DYM: variants seen among roughly 807,000 people sequenced by gnomAD.
The protein encoded by DYM is dyggve-Melchior-Clausen syndrome protein.
DYM carries 78 observed loss-of-function variants against 93.1 expected under a neutral mutation model. That is an observed-to-expected ratio of 0.84 (90% CI 0.70 to 1.01). The LOEUF (loss-of-function observed/expected upper bound fraction) is 1.01, where lower values mean the gene tolerates loss of function less well. DYM is among the 50% of genes least tolerant of loss of function. The pLI, the probability that DYM is intolerant of heterozygous loss-of-function variation, is 0.00. For synonymous variants in DYM, 321 were observed against 319.7 expected (o/e 1.00, Z -0.04); for missense variants, 789 against 845.0 (o/e 0.93, Z 0.82).
intron 14 of DYM, among the ~76,000 whole-genome samples, chr18:49,173,405 ACTAAGTCT>A (rs1202231927): frequency 3.3e-5 from 5 of 152,092 alleles, no homozygotes; most frequent in African/African-American, 9.7e-5. Context: ...TCTTAACAAT[ACTAAGTCT>A]CTAATCCATG....
chr18:49,379,728 C>A lies in DYM; in HGVS notation c.224G>T (p.Gly75Val). The A allele has an allele frequency of 1.2e-6, 2 of 1,613,260 alleles. No homozygotes were observed. The highest frequency in any genetic ancestry group is 1.7e-6 in the Non-Finnish European group (2 of 1,179,498). The change falls in exon 4 of 18, where the codon GGT (glycine) becomes GTT (valine). Residue 75 changes from glycine (G) to valine (V), a missense_variant. Physicochemically the swap from Gly to Val is moderately radical, Grantham distance 109. This residue lies in a region of DYM where 450 missense variants were observed against 436.2 expected (regional missense o/e 1.03). Transcript: ENST00000675505. Reference sequence around the variant, plus strand: ...AGAAAGGAAGACCTTAATTAGTGCACCAAGATTTCCTGTTCGAGGATTGTT... The same window carrying A: ...AGAAAGGAAGACCTTAATTAGTGCAACAAGATTTCCTGTTCGAGGATTGTT... ...VENNPRTGNL[G>V]ALIKVFLSRT...
Position 49,098,380 on chromosome 18 carries a change from T to G in DYM, c.1912-865A>C, listed in dbSNP as rs573156165. ...CCTTCACAAACGTTTTTATGCATTTTCTTTCAGAATTACTCTCCTAAATGC... is the reference window on the plus strand; with the variant it reads ...CCTTCACAAACGTTTTTATGCATTTGCTTTCAGAATTACTCTCCTAAATGC... On this transcript the variant is annotated intron_variant, in intron 16 of 17. Transcript: ENST00000675505. 2.6e-5 allele frequency among the ~76,000 whole-genome samples: 4 copies of G among 152,368 alleles called. No homozygotes were observed. The South Asian group carries it at 8.3e-4, about 32-fold the overall frequency.
chr18:49,404,248 T>C (rs985043723), intron 2 of DYM, among the ~76,000 whole-genome samples: 1 of 152,078 alleles, frequency 6.6e-6, no homozygotes, highest in Non-Finnish European at 1.5e-5. Context: ...CCTCAAGTGA[T>C]CCTCCCGCCT....
chr18:49,372,988 C>A (rs979927825), intron 5 of DYM, among the ~76,000 whole-genome samples: 4 of 152,122 alleles, frequency 2.6e-5, no homozygotes, highest in African/African-American at 9.6e-5. Flanking sequence ...GGATGCACAA[C>A]AAAAAACCTT....
chr18:49,289,725 G>GTATATA (rs2059918213), intron 8 of DYM, among the ~76,000 whole-genome samples: 1 of 13,740 alleles, frequency 7.3e-5, no homozygotes, highest in African/African-American at 1.6e-4. Context: ...ATATATATAT[G>GTATATA]TGTATATATA....
chr18:49,298,975 A>C (rs2060730836), intron 8 of DYM, among the ~76,000 whole-genome samples: 2 of 152,170 alleles, frequency 1.3e-5, no homozygotes, highest in Admixed American at 1.3e-4. Context: ...AAAAAGAATA[A>C]ACAAATTAAC....
At chr18:49,110,359 A>G (rs1462400853) in intron 16 of DYM, among the ~76,000 whole-genome samples, 2 of 152,238 alleles carry the variant, frequency 1.3e-5, no homozygotes, top group African/African-American at 4.8e-5. Context: ...ATCAGATATG[A>G]TAGTTCTTCT....
intron 2 of DYM, among the ~76,000 whole-genome samples, chr18:49,416,983 T>C (rs1487923665): frequency 1.3e-5 from 2 of 152,214 alleles, no homozygotes; most frequent in Non-Finnish European, 1.5e-5. Flanking sequence ...CCCTGAAGCA[T>C]CATGAACTAT....
chr18:49,350,091 T>G (rs7506911), intron 6 of DYM, among the ~76,000 whole-genome samples: 111,414 of 152,112 alleles, frequency 0.73, 40,761 homozygotes, highest in Admixed American at 0.76. Flanking sequence ...GGAATAAATT[T>G]TTACCAAATT....
At chr18:49,392,059 T>G (rs1238913936) in intron 2 of DYM, among the ~76,000 whole-genome samples, 3 of 151,958 alleles carry the variant, frequency 2.0e-5, no homozygotes, top group African/African-American at 7.2e-5. Context: ...TACAATACTT[T>G]CAAAAAGTTC....
At chr18:49,421,593 TCTC>T (rs1260014997) in intron 2 of DYM, among the ~76,000 whole-genome samples, 1 of 152,084 alleles carries the variant, frequency 6.6e-6, no homozygotes, top group East Asian at 1.9e-4. Flanking sequence ...GAGTGCCTCT[TCTC>T]CTCCAAAGGA....
chr18:49,433,776 G>C (rs542840705), intron 1 of DYM, among the ~76,000 whole-genome samples: 2 of 152,124 alleles, frequency 1.3e-5, no homozygotes, highest in East Asian at 1.9e-4. Context: ...GCTAAGGCAC[G>C]AGAATCACCT....
chr18:49,146,294 A>T (rs906698464), intron 15 of DYM, among the ~76,000 whole-genome samples: 2 of 152,222 alleles, frequency 1.3e-5, no homozygotes, highest in Admixed American at 1.3e-4. Flanking sequence ...CAAGACAGGG[A>T]TGCCTTCTCT....
At chr18:49,319,873 T>C (rs1480163772) in intron 8 of DYM, among the ~76,000 whole-genome samples, 1 of 152,190 alleles carries the variant, frequency 6.6e-6, no homozygotes, top group Non-Finnish European at 1.5e-5. Flanking sequence ...AGAAGTGAGA[T>C]GAAGGCTGCT....
chr18:49,318,292 A>T (rs570589248), intron 8 of DYM, among the ~76,000 whole-genome samples: 1 of 152,338 alleles, frequency 6.6e-6, no homozygotes, highest in South Asian at 2.1e-4. Flanking sequence ...GAGAGAAGAC[A>T]AGAATAGGAG....
chr18:49,315,279 T>C (rs1011145465), intron 8 of DYM, among the ~76,000 whole-genome samples: 1 of 152,136 alleles, frequency 6.6e-6, no homozygotes. Context: ...CATGTTAGGT[T>C]CCATAAATTT....
At chr18:49,314,061 C>T (rs764314291) in intron 8 of DYM, among the ~76,000 whole-genome samples, 6 of 152,156 alleles carry the variant, frequency 3.9e-5, no homozygotes, top group Non-Finnish European at 7.4e-5. Context: ...AGTTCAAGAC[C>T]AGCCAGGCCA....
At chr18:49,171,376 C>G (rs1295002483) in intron 14 of DYM, among the ~76,000 whole-genome samples, 2 of 152,064 alleles carry the variant, frequency 1.3e-5, no homozygotes, top group African/African-American at 4.8e-5. Context: ...AGTCCTTCCT[C>G]TAACACACTA....
chr18:49,142,889 T>C (rs1356585434), intron 15 of DYM, among the ~76,000 whole-genome samples: 1 of 152,146 alleles, frequency 6.6e-6, no homozygotes, highest in Non-Finnish European at 1.5e-5. Flanking sequence ...GTTATAAATG[T>C]TTAAAATTGA....
Sources: gnomAD v4.1 joint callset for allele counts (sites outside exome capture counted in the v4.1 genomes callset) on GRCh38, gnomAD v4.1.1 for gene constraint, gnomAD v4.1.1 regional missense constraint, MANE v1.5 for transcripts, NCBI Gene and HGNC (gene_info 2026-07-23, HGNC 2026-07-21) for gene names.